Variants in ST18 observed in about 807,000 individuals in gnomAD.
The protein encoded by ST18 is ST18 C2H2C-type zinc finger transcription factor, also known as suppression of tumorigenicity 18 protein.
In ST18, 50 loss-of-function variants were observed where a neutral mutation model predicts 110.0. That is an observed-to-expected ratio of 0.45 (90% CI 0.36 to 0.58). The LOEUF (loss-of-function observed/expected upper bound fraction) is 0.58. Ranked by LOEUF, ST18 falls within the 20% of genes least tolerant of loss-of-function variation. ST18 has a pLI of 0.00. For missense variants in ST18, 1,306 were observed against 1,280.1 expected, an observed-to-expected ratio of 1.02 and a Z score of -0.31; for synonymous variants, 461 against 452.4, an observed-to-expected ratio of 1.02 and a Z score of -0.24.
At chr8:52,393,963 C>G in intron 2 of ST18, 1 of 152,114 alleles carries the variant, frequency 6.6e-6, no homozygotes, top group Admixed American at 6.5e-5. Flanking sequence ...ACCACACACA[C>G]GTGCACATGC....
chr8:52,269,975 A>G (rs574110108), intron 2 of ST18, among the ~76,000 whole-genome samples: 22 of 152,178 alleles, frequency 1.4e-4, no homozygotes, highest in African/African-American at 5.1e-4. Flanking sequence ...TTAAAAAACA[A>G]CTTGTGTTAA....
chr8:52,281,539 A>G (rs1189964832), intron 2 of ST18, among the ~76,000 whole-genome samples: 2 of 152,230 alleles, frequency 1.3e-5, no homozygotes, highest in Non-Finnish European at 2.9e-5. Context: ...TGAAGACTGG[A>G]GACACAAATC....
At chr8:52,188,640 T>C (rs920865646) in intron 8 of ST18, among the ~76,000 whole-genome samples, 1 of 152,120 alleles carries the variant, frequency 6.6e-6, no homozygotes, top group Non-Finnish European at 1.5e-5. Flanking sequence ...TTAAGAACAG[T>C]TGTAGATAGA....
intron 23 of ST18, among the ~76,000 whole-genome samples, chr8:52,123,329 T>C (rs1284624330): frequency 1.3e-5 from 2 of 152,214 alleles, no homozygotes; most frequent in Non-Finnish European, 2.9e-5. Flanking sequence ...GCACTTTGTA[T>C]TTCATTGCAA....
intron 2 of ST18, among the ~76,000 whole-genome samples, chr8:52,374,685 C>A (rs1831526815): frequency 3.9e-5 from 6 of 152,048 alleles, no homozygotes; most frequent in Admixed American, 3.9e-4. Flanking sequence ...TCTCCACTCC[C>A]CCATACCCCC....
At chr8:52,348,611 G>GT (rs1215327184) in intron 2 of ST18, among the ~76,000 whole-genome samples, 1 of 152,146 alleles carries the variant, frequency 6.6e-6, no homozygotes, top group Non-Finnish European at 1.5e-5. Context: ...AGGCATGGTG[G>GT]TGTGCGCCTG....
intron 9 of ST18, among the ~76,000 whole-genome samples, chr8:52,179,905 ACT>A (rs2068661436): frequency 6.6e-6 from 1 of 151,954 alleles, no homozygotes; most frequent in African/African-American, 2.4e-5. Flanking sequence ...ATAGGGCAAG[ACT>A]CTCTGTTGCT....
chr8:52,183,451 G>A (rs916432245), intron 8 of ST18, among the ~76,000 whole-genome samples: 1 of 152,164 alleles, frequency 6.6e-6, no homozygotes, highest in Non-Finnish European at 1.5e-5. Flanking sequence ...GGATGAAGAG[G>A]ATATGTAAGG....
intron 15 of ST18, among the ~76,000 whole-genome samples, chr8:52,151,939 A>T (rs2058919573): frequency 6.6e-6 from 1 of 152,226 alleles, no homozygotes; most frequent in South Asian, 2.1e-4. Context: ...TTCTCTGAAA[A>T]ATATCAACTC....
At chr8:52,285,921 A>C (rs1428284443) in intron 2 of ST18, among the ~76,000 whole-genome samples, 1 of 152,180 alleles carries the variant, frequency 6.6e-6, no homozygotes, top group Non-Finnish European at 1.5e-5. Flanking sequence ...TACACACTTC[A>C]CCCTAAACCA....
At chr8:52,256,810 C>T (rs2094542470) in intron 2 of ST18, among the ~76,000 whole-genome samples, 1 of 152,142 alleles carries the variant, frequency 6.6e-6, no homozygotes, top group Non-Finnish European at 1.5e-5. Context: ...ACATACCATA[C>T]TATTCACCTA....
At chr8:52,164,320 T>A (rs938197406) in intron 12 of ST18, among the ~76,000 whole-genome samples, 5 of 152,218 alleles carry the variant, frequency 3.3e-5, no homozygotes, top group African/African-American at 1.2e-4. Context: ...TTTTTAAACA[T>A]CAAAACATTA....
intron 3 of ST18, among the ~76,000 whole-genome samples, chr8:52,226,462 G>A (rs2089454042): frequency 6.6e-6 from 1 of 152,116 alleles, no homozygotes. Flanking sequence ...TTCTTAATGT[G>A]CTTCCATAGA....
chr8:52,389,169 A>G (rs1478383682), intron 2 of ST18, among the ~76,000 whole-genome samples: 5 of 152,140 alleles, frequency 3.3e-5, no homozygotes, highest in African/African-American at 7.2e-5. Context: ...GCCTCAGCAC[A>G]GAGCGCGAAA....
At chr8:52,296,253 C>T (rs980149232) in intron 2 of ST18, 11 of 152,178 alleles carry the variant, frequency 7.2e-5, no homozygotes, top group African/African-American at 2.2e-4. Flanking sequence ...TTTTCCCCTA[C>T]GGTTGTTTGA....
chr8:52,403,325 GC>G (rs1472790423), intron 2 of ST18: 2 of 152,312 alleles, frequency 1.3e-5, no homozygotes, highest in East Asian at 3.8e-4. Flanking sequence ...CAGTGCAGTA[GC>G]AGCTTGGCCT....
At chr8:52,153,274 A>AGGG (rs1277587766) in intron 15 of ST18, among the ~76,000 whole-genome samples, 1 of 152,248 alleles carries the variant, frequency 6.6e-6, no homozygotes, top group Non-Finnish European at 1.5e-5. Context: ...CTGTCTTATG[A>AGGG]ATACAGGATG....
chr8:52,286,106 C>A (rs1292354082), intron 2 of ST18, among the ~76,000 whole-genome samples: 1 of 152,104 alleles, frequency 6.6e-6, no homozygotes, highest in East Asian at 1.9e-4. Flanking sequence ...CTATTAAGTT[C>A]GTTTGGCTGC....
intron 10 of ST18, among the ~76,000 whole-genome samples, chr8:52,167,266 C>T (rs1320798080): frequency 1.3e-5 from 2 of 152,152 alleles, no homozygotes; most frequent in African/African-American, 4.8e-5. Flanking sequence ...TAGTTAGAGC[C>T]TCATTATGAA....
Sources: gnomAD v4.1 joint callset for allele counts (sites outside exome capture counted in the v4.1 genomes callset) on GRCh38, gnomAD v4.1.1 for gene constraint, MANE v1.5 for transcripts, NCBI Gene and HGNC (gene_info 2026-07-23, HGNC 2026-07-21) for gene names.